NTM: variants seen among roughly 807,000 people sequenced by gnomAD.
The protein encoded by NTM is neurotrimin.
A neutral mutation model predicts 42.1 loss-of-function variants in NTM; 13 were observed. The ratio of observed to expected loss-of-function variants is 0.31; its 90% confidence interval spans 0.20 to 0.49. The LOEUF is 0.49. NTM is among the 20% of genes least tolerant of loss of function. The pLI is 0.99. For missense variants in NTM, 373 were observed against 452.8 expected (o/e 0.82, Z 1.60); for synonymous variants, 187 against 179.2 (o/e 1.04, Z -0.35).
At chr11:131,467,600 T>C (rs1224707779) in intron 1 of NTM, among the ~76,000 whole-genome samples, 2 of 152,240 alleles carry the variant, frequency 1.3e-5, no homozygotes, top group Non-Finnish European at 2.9e-5. Context: ...CTGAGATACC[T>C]GAGTGTTGGA....
rs546367849 is a variant in NTM, at chr11:131,447,963, CA to C, written c.82+77076del. Among the ~76,000 whole-genome samples, 11 of 152,326 alleles carry C rather than the reference CA, an allele frequency of 7.2e-5. No individual in the cohort carries two copies. In the South Asian group the frequency reaches 2.1e-3, roughly 29 times the overall value. On this transcript the variant is annotated intron_variant, in intron 1 of 8. Coordinates refer to ENST00000683400, the MANE Select transcript of NTM (RefSeq NM_001352005.2). ...GTCTTGGGCAGTCGGATTTCACATC[CA>C]TTTCTGGTGAACGCTGGAAAGCCAG...
chr11:132,335,152 G>A lies in NTM; in HGVS notation c.*6G>A, dbSNP rs1404224370. On this transcript the variant is annotated 3_prime_UTR_variant, in exon 9 of 9. Transcript: ENST00000683400. ...ACCTGCTTCTCAAATTTTGATGTGA[G>A]TGCCACTTCCCCACCCGGGAAAGGC... 3.1e-6 allele frequency: 5 copies of A among 1,611,894 alleles called. No individual in the cohort carries two copies. The highest frequency in any genetic ancestry group is 1.7e-5 in the Admixed American group (1 of 60,006).
chr11:131,834,625 C>CTTATATAT (rs1555148242), intron 1 of NTM, among the ~76,000 whole-genome samples: 6 of 133,986 alleles, frequency 4.5e-5, no homozygotes, highest in Non-Finnish European at 8.0e-5. Context: ...TATACATATA[C>CTTATATAT]ATATATATAT....
intron 2 of NTM, among the ~76,000 whole-genome samples, chr11:131,935,968 T>C (rs1225118907): frequency 2.0e-5 from 3 of 152,164 alleles, no homozygotes; most frequent in Non-Finnish European, 2.9e-5. Context: ...GCTCAGTTAT[T>C]GCAATAACTA....
At chr11:131,960,259 G>C (rs73580802) in intron 2 of NTM, among the ~76,000 whole-genome samples, 1,556 of 152,314 alleles carry the variant, frequency 0.01, 24 homozygotes, top group African/African-American at 0.035. Flanking sequence ...TCCCAGGTAA[G>C]ACCTCCGTCC....
intron 1 of NTM, among the ~76,000 whole-genome samples, chr11:131,665,554 G>A (rs1411515059): frequency 6.6e-6 from 1 of 152,192 alleles, no homozygotes. Flanking sequence ...ACACAGGGAG[G>A]AGAGTTCATG....
At chr11:131,624,126 G>A (rs868635022) in intron 1 of NTM, among the ~76,000 whole-genome samples, 8 of 152,346 alleles carry the variant, frequency 5.3e-5, no homozygotes, top group African/African-American at 1.7e-4. Flanking sequence ...GGCACAGGCA[G>A]ACAATAGGGT....
At chr11:132,170,231 T>C (rs2075931665) in intron 3 of NTM, among the ~76,000 whole-genome samples, 1 of 152,220 alleles carries the variant, frequency 6.6e-6, no homozygotes, top group South Asian at 2.1e-4. Context: ...CCAATAACCA[T>C]AGGCCTCTAA....
At chr11:131,373,355 G>T (rs1267960534) in intron 1 of NTM, among the ~76,000 whole-genome samples, 1 of 152,116 alleles carries the variant, frequency 6.6e-6, no homozygotes, top group East Asian at 1.9e-4. Flanking sequence ...GTTCTTCCTA[G>T]AGCTGCTGCT....
chr11:131,826,358 G>C (rs1209559863), intron 1 of NTM, among the ~76,000 whole-genome samples: 1 of 152,038 alleles, frequency 6.6e-6, no homozygotes, highest in East Asian at 1.9e-4. Context: ...AGGTAAAATT[G>C]ACAAATGCCA....
At chr11:131,996,141 C>G (rs1438626440) in intron 2 of NTM, among the ~76,000 whole-genome samples, 2 of 152,128 alleles carry the variant, frequency 1.3e-5, no homozygotes, top group Non-Finnish European at 2.9e-5. Flanking sequence ...TGGACTTTCT[C>G]TTATGGGTTG....
chr11:131,739,099 A>G (rs2080856097), intron 1 of NTM, among the ~76,000 whole-genome samples: 1 of 152,134 alleles, frequency 6.6e-6, no homozygotes, highest in Non-Finnish European at 1.5e-5. Context: ...CATTATAAAG[A>G]TGATTGAGAT....
intron 4 of NTM, among the ~76,000 whole-genome samples, chr11:132,287,316 T>C (rs1591759185): frequency 6.6e-6 from 1 of 152,238 alleles, no homozygotes; most frequent in East Asian, 1.9e-4. Flanking sequence ...TTTTTCATTA[T>C]GTATAGAATG....
At chr11:131,441,107 T>C (rs139505994) in intron 1 of NTM, among the ~76,000 whole-genome samples, 58 of 152,314 alleles carry the variant, frequency 3.8e-4, no homozygotes, top group African/African-American at 1.4e-3. Context: ...AATCCAGTTC[T>C]TCAGGCCACT....
rs545447939 is a variant in NTM at position 131,823,036 on chromosome 11, A to G, written c.83-88528A>G. Among the ~76,000 whole-genome samples, 14 of 151,686 alleles carry G rather than the reference A, an allele frequency of 9.2e-5. No individual in the cohort carries two copies. In the South Asian group the frequency reaches 2.9e-3, roughly 32 times the overall value. On this transcript the variant is annotated intron_variant, in intron 1 of 8. Transcript: ENST00000683400. ...AGTTTATTTTGTTTTATCTTTAATG[A>G]TGACAGGCAGGAGACAAATGCACTT...
chr11:131,609,772 C>T (rs923551357), intron 1 of NTM, among the ~76,000 whole-genome samples: 1 of 152,198 alleles, frequency 6.6e-6, no homozygotes, highest in African/African-American at 2.4e-5. Flanking sequence ...TGTCTTCAAC[C>T]CTTCTACCCA....
Position 131,759,046 on chromosome 11 carries a change from C to T in NTM, c.83-152518C>T, listed in dbSNP as rs181266496. Among the ~76,000 whole-genome samples the T allele has an allele frequency of 1.4e-3, 209 of 152,202 alleles. 1 individual carries two copies. The highest frequency in any genetic ancestry group is 4.0e-3 in the Admixed American group (61 of 15,282). ...TTGAGAAGTTTGGTCTAGAGTCATC[C>T]AAAGAAAATAAAGCATACACTTCTA... On this transcript the variant is annotated intron_variant, in intron 1 of 8. Coordinates refer to ENST00000683400, the MANE Select transcript of NTM (RefSeq NM_001352005.2).
intron 1 of NTM, among the ~76,000 whole-genome samples, chr11:131,770,033 A>C (rs1396021817): frequency 1.3e-5 from 2 of 152,196 alleles, no homozygotes; most frequent in Admixed American, 6.5e-5. Context: ...AAGAAGAGCC[A>C]GTGAGAGGGA....
rs542483055 is a variant in NTM at position 131,499,088 on chromosome 11, T to C, written c.82+128200T>C. Among the ~76,000 whole-genome samples the C allele has an allele frequency of 3.3e-5, 5 of 152,240 alleles. No homozygotes were observed. The South Asian group carries it at 1.0e-3, about 32-fold the overall frequency. ...GTTAAACAATAAAGCACAGTGATTA[T>C]GACAGCTCTCGGAGCCTGGAAGACA... On this transcript the variant is annotated intron_variant, in intron 1 of 8. Coordinates refer to ENST00000683400, the MANE Select transcript of NTM (RefSeq NM_001352005.2).
Sources: allele counts gnomAD v4.1 joint callset (sites outside exome capture counted in the v4.1 genomes callset), GRCh38; gene constraint gnomAD v4.1.1; transcripts MANE v1.5; gene names NCBI Gene and HGNC (gene_info 2026-07-23, HGNC 2026-07-21).